The following NAV1 variants were observed in gnomAD, a reference collection of about 807,000 sequenced individuals.
NAV1 encodes the protein pore membrane and/or filament interacting like protein 3.
Under a neutral mutation model 175.2 loss-of-function variants are expected in NAV1, and 18 were observed. The observed-to-expected ratio is 0.10, with a 90% CI of 0.07 to 0.15. The LOEUF is 0.15. Among genes scored for constraint, NAV1 ranks in the 10% least tolerant of loss-of-function variants. NAV1 has a pLI of 1.00. For missense variants in NAV1, 1,731 were observed against 2,436.6 expected (o/e 0.71, Z 6.10); for synonymous variants, 897 against 978.7 (o/e 0.92, Z 1.56).
At chr1:201,660,112 G>T (rs761179026) in intron 1 of NAV1, among the ~76,000 whole-genome samples, 3 of 152,158 alleles carry the variant, frequency 2.0e-5, no homozygotes, top group Non-Finnish European at 4.4e-5. Flanking sequence ...AGCATTTACA[G>T]CATGGCCTCC....
At chr1:201,579,420 A>C (rs661086) in intron 1 of NAV1, among the ~76,000 whole-genome samples, 15,426 of 152,134 alleles carry the variant, frequency 0.1, 1,064 homozygotes, top group African/African-American at 0.19. Flanking sequence ...CAGTGGCACA[A>C]TCATGGCTCA....
intron 14 of NAV1, 36 bp downstream of exon 18, chr1:201,793,911 C>A (rs763602858): frequency 6.9e-7 from 1 of 1,452,020 alleles, no homozygotes; most frequent in African/African-American, 1.4e-5. Flanking sequence ...GGGGTGGGTG[C>A]GGCGAGGGGG....
At chr1:201,642,189 CCTCCT>C (rs1162038044) in intron 2 of NAV1, among the ~76,000 whole-genome samples, 4,376 of 137,604 alleles carry the variant, frequency 0.032, 284 homozygotes, top group African/African-American at 0.12. Context: ...TCCTTCCTTC[CCTCCT>C]TTCTTCCTTT....
intron 3 of NAV1, among the ~76,000 whole-genome samples, chr1:201,723,003 C>T (rs766547227): frequency 3.3e-4 from 50 of 152,148 alleles, no homozygotes; most frequent in Non-Finnish European, 6.8e-4. Flanking sequence ...ACCAGCTATT[C>T]GGGAGGCTGA....
At chr1:201,542,588 G>T (rs1267627291) in intron 1 of NAV1, among the ~76,000 whole-genome samples, 3 of 151,994 alleles carry the variant, frequency 2.0e-5, no homozygotes, top group Non-Finnish European at 2.9e-5. Flanking sequence ...CTGCGATTTT[G>T]CTTCCCAGCA....
chr1:201,820,743 C>T (rs1679333668), exon 30 of NAV1: 1 of 152,128 alleles, frequency 6.6e-6, no homozygotes, highest in African/African-American at 2.4e-5. Flanking sequence ...TCAATAAACC[C>T]TACTTTTTTA....
intron 1 of NAV1, among the ~76,000 whole-genome samples, chr1:201,542,491 C>T (rs748233798): frequency 6.6e-6 from 1 of 152,212 alleles, no homozygotes; most frequent in Non-Finnish European, 1.5e-5. Context: ...GCGAAAAACA[C>T]CCTCCACAGT....
intron 1 of NAV1, among the ~76,000 whole-genome samples, chr1:201,671,906 G>C (rs1035599094): frequency 6.6e-6 from 1 of 152,184 alleles, no homozygotes; most frequent in African/African-American, 2.4e-5. Context: ...CAAGGAGCAG[G>C]CCCAGCTTAG....
intron 3 of NAV1, among the ~76,000 whole-genome samples, chr1:201,774,062 T>C (rs1428576453): frequency 6.6e-6 from 1 of 152,236 alleles, no homozygotes; most frequent in East Asian, 1.9e-4. Flanking sequence ...TACAGGGTTA[T>C]TGAGGTCTCT....
At chr1:201,642,362 G>A (rs71635552) in intron 2 of NAV1, among the ~76,000 whole-genome samples, 46,259 of 150,982 alleles carry the variant, frequency 0.31, 7,400 homozygotes, top group Admixed American at 0.43. Flanking sequence ...ACAGTCGCCC[G>A]CCACCACACC....
chr1:201,781,414 G>C (rs1007117922), intron 5 of NAV1, 105 bp downstream of exon 9: 84 of 1,160,964 alleles, frequency 7.2e-5, no homozygotes, highest in Non-Finnish European at 1.7e-5. Context: ...CATTTGCATA[G>C]TGCTTTAACA....
intron 3 of NAV1, among the ~76,000 whole-genome samples, chr1:201,758,162 C>T (rs1384024605): frequency 6.6e-6 from 1 of 152,144 alleles, no homozygotes; most frequent in Non-Finnish European, 1.5e-5. Flanking sequence ...GATAAGTTTT[C>T]CTAAAGAGGA....
At chr1:201,783,599 A>G in exon 7 of NAV1, 2 of 1,614,108 alleles carry the variant, frequency 1.2e-6, no homozygotes, top group South Asian at 1.1e-5. Context: ...CATCCTCAAT[A>G]TTAACTCAGC....
At chr1:201,764,653 C>A (rs973556134) in intron 3 of NAV1, among the ~76,000 whole-genome samples, 20 of 152,124 alleles carry the variant, frequency 1.3e-4, no homozygotes, top group African/African-American at 4.6e-4. Flanking sequence ...ACTCTCTTAA[C>A]CTTAGGGCAA....
intron 1 of NAV1, among the ~76,000 whole-genome samples, chr1:201,708,299 C>G (rs1403723790): frequency 6.6e-6 from 1 of 152,018 alleles, no homozygotes; most frequent in Non-Finnish European, 1.5e-5. Context: ...ACATTCTCTC[C>G]CCAGTTGCTC....
At chr1:201,730,679 A>T (rs1672818107) in intron 3 of NAV1, among the ~76,000 whole-genome samples, 2 of 152,186 alleles carry the variant, frequency 1.3e-5, no homozygotes, top group Non-Finnish European at 2.9e-5. Context: ...TCCAGGATAG[A>T]GTCTTGCTTT....
At chr1:201,568,902 A>G (rs1257996377) in intron 1 of NAV1, among the ~76,000 whole-genome samples, 1 of 152,076 alleles carries the variant, frequency 6.6e-6, no homozygotes, top group Admixed American at 6.5e-5. Context: ...CCTCTAGGTC[A>G]GTGGGCTTGA....
intron 1 of NAV1, among the ~76,000 whole-genome samples, chr1:201,670,903 G>A (rs944364165): frequency 6.6e-6 from 1 of 152,130 alleles, no homozygotes; most frequent in African/African-American, 2.4e-5. Context: ...TGATGTTTTG[G>A]TGATGATGGC....
upstream of NAV1, among the ~76,000 whole-genome samples, chr1:201,618,099 A>G (rs1668055363): frequency 1.3e-5 from 2 of 152,304 alleles, no homozygotes; most frequent in Non-Finnish European, 1.5e-5. Flanking sequence ...CATGGGCCTC[A>G]GCCCAAATCC....
Sources: gnomAD v4.1 joint callset for allele counts (sites outside exome capture counted in the v4.1 genomes callset) on GRCh38, gnomAD v4.1.1 for gene constraint, MANE v1.5 for transcripts, NCBI Gene and HGNC (gene_info 2026-07-23, HGNC 2026-07-21) for gene names.